GPHN: variants seen among roughly 807,000 people sequenced by gnomAD.
GPHN encodes the protein gephyrin.
In GPHN, 17 loss-of-function variants were observed where a neutral mutation model predicts 95.5. That is an observed-to-expected ratio of 0.18 (90% CI 0.12 to 0.27). GPHN has a LOEUF of 0.27. GPHN is among the 10% of genes least tolerant of loss of function. The probability of loss-of-function intolerance (pLI) is 1.00; values close to 1 mark genes in which losing one functional copy is unlikely to be tolerated. For synonymous variants in GPHN, 320 were observed against 322.5 expected (o/e 0.99, Z 0.08); for missense variants, 660 against 978.1 (o/e 0.67, Z 4.34).
chr14:67,113,559 T>A (rs2078497934), intron 16 of GPHN, among the ~76,000 whole-genome samples: 1 of 152,208 alleles, frequency 6.6e-6, no homozygotes, highest in Non-Finnish European at 1.5e-5. Context: ...GATGAGCTAC[T>A]TCTGTGTGGG....
chr14:66,863,867 A>G (rs1268978759), intron 4 of GPHN, among the ~76,000 whole-genome samples: 1 of 152,198 alleles, frequency 6.6e-6, no homozygotes, highest in Non-Finnish European at 1.5e-5. Context: ...TGAAACCATT[A>G]CATGAAAACA....
At chr14:67,496,391 G>GTTT in the GPHN span, among the ~76,000 whole-genome samples, 434 of 30,076 alleles carry the variant, frequency 0.014, 155 homozygotes, top group Middle Eastern at 0.12. Flanking sequence ...CTGCTCCGGC[G>GTTT]TTTTTTTTTT....
the GPHN span, among the ~76,000 whole-genome samples, chr14:67,534,641 C>T: frequency 6.6e-6 from 1 of 152,140 alleles, no homozygotes; most frequent in South Asian, 2.1e-4. Context: ...GCTGAGGGGG[C>T]CTGCTCAGAG....
At chr14:67,238,715 C>T in the GPHN span, among the ~76,000 whole-genome samples, 6 of 152,024 alleles carry the variant, frequency 3.9e-5, no homozygotes, top group Admixed American at 3.9e-4. Flanking sequence ...GTGATCTCAG[C>T]TTACTGCAGC....
intron 9 of GPHN, among the ~76,000 whole-genome samples, chr14:67,015,708 T>C (rs1001615653): frequency 4.0e-5 from 6 of 151,842 alleles, no homozygotes; most frequent in African/African-American, 1.5e-4. Flanking sequence ...GGAAAAAAAA[T>C]ACAAATAAAA....
chr14:66,862,688 A>C (rs575325491), intron 4 of GPHN, among the ~76,000 whole-genome samples: 1 of 151,872 alleles, frequency 6.6e-6, no homozygotes, highest in African/African-American at 2.4e-5. Flanking sequence ...TTCAACCTAC[A>C]TCATACATCC....
At chr14:66,682,148 A>G (rs916911553) in intron 2 of GPHN, among the ~76,000 whole-genome samples, 7 of 152,188 alleles carry the variant, frequency 4.6e-5, no homozygotes, top group African/African-American at 7.2e-5. Flanking sequence ...ATTGAAGTTT[A>G]TATATGATGT....
the GPHN span, among the ~76,000 whole-genome samples, chr14:67,346,616 A>G: frequency 6.6e-6 from 1 of 152,082 alleles, no homozygotes; most frequent in Non-Finnish European, 1.5e-5. Context: ...TGCCTGGCCA[A>G]GAATATTGTT....
At chr14:67,165,566 C>T (rs778737571) in intron 20 of GPHN, among the ~76,000 whole-genome samples, 1 of 152,136 alleles carries the variant, frequency 6.6e-6, no homozygotes, top group Non-Finnish European at 1.5e-5. Flanking sequence ...GGAAATTGGT[C>T]GAAGTTAGCA....
intron 4 of GPHN, among the ~76,000 whole-genome samples, chr14:66,871,110 G>A (rs536253239): frequency 1.3e-5 from 2 of 152,202 alleles, no homozygotes; most frequent in South Asian, 4.2e-4. Context: ...TCATGTGCTG[G>A]GTGACAGTGA....
At chr14:67,413,469 G>T in the GPHN span, among the ~76,000 whole-genome samples, 1 of 152,196 alleles carries the variant, frequency 6.6e-6, no homozygotes, top group Non-Finnish European at 1.5e-5. Flanking sequence ...AAGGCCCTCA[G>T]ATGCCTGTAA....
chr14:67,422,889 T>C, the GPHN span, among the ~76,000 whole-genome samples: 4 of 146,396 alleles, frequency 2.7e-5, no homozygotes, highest in Admixed American at 7.2e-5. Flanking sequence ...TGGAGTACAA[T>C]GGTGCAATCT....
Position 66,799,095 on chromosome 14 carries a change from GT to G in GPHN, c.201+22577del, listed in dbSNP as rs1352755420. Reference sequence around the variant, plus strand: ...CCCAGTGGTCATTCAGGAGCATATTGTTTAATTTCTATATATTTGTATAGTT... The same window carrying G: ...CCCAGTGGTCATTCAGGAGCATATTGTTAATTTCTATATATTTGTATAGTT... On this transcript the variant is annotated intron_variant, in intron 3 of 22. Transcript: ENST00000478722. Among the ~76,000 whole-genome samples the G allele has an allele frequency of 2.6e-5, 4 of 151,806 alleles. No homozygotes were observed. In the East Asian group the frequency reaches 5.8e-4, roughly 22 times the overall value.
At chr14:67,286,875 G>GA in the GPHN span, among the ~76,000 whole-genome samples, 3 of 133,842 alleles carry the variant, frequency 2.2e-5, no homozygotes, top group Non-Finnish European at 4.7e-5. Flanking sequence ...AAAAAAAAAA[G>GA]AAAAAAACTG....
chr14:67,642,793 CTTTTTTTTTT>C, the GPHN span, among the ~76,000 whole-genome samples: 10 of 75,518 alleles, frequency 1.3e-4, no homozygotes, highest in South Asian at 6.3e-4. Flanking sequence ...ACTACATTTT[CTTTTTTTTTT>C]TTTTTTTTTT....
chr14:66,700,890 C>A (rs2068494543), intron 2 of GPHN, among the ~76,000 whole-genome samples: 1 of 152,000 alleles, frequency 6.6e-6, no homozygotes, highest in East Asian at 1.9e-4. Context: ...CCACTGCACT[C>A]CAGCCTGGCA....
intron 5 of GPHN, among the ~76,000 whole-genome samples, chr14:66,913,704 T>A (rs1280381330): frequency 6.6e-6 from 1 of 152,220 alleles, no homozygotes; most frequent in Non-Finnish European, 1.5e-5. Flanking sequence ...GTGTTGTAGT[T>A]GTTTATATGC....
the GPHN span, among the ~76,000 whole-genome samples, chr14:67,220,178 G>C: frequency 5.3e-5 from 8 of 152,292 alleles, no homozygotes; most frequent in Non-Finnish European, 1.0e-4. Flanking sequence ...GCTCATGCCT[G>C]TAATCCCAAA....
intron 8 of GPHN, among the ~76,000 whole-genome samples, chr14:66,954,126 T>G (rs774534824): frequency 3.9e-5 from 6 of 152,184 alleles, no homozygotes; most frequent in Non-Finnish European, 7.3e-5. Flanking sequence ...TTAGGTTCCT[T>G]GAGATTCCAT....
Sources: gnomAD v4.1 joint callset for allele counts (sites outside exome capture counted in the v4.1 genomes callset) on GRCh38, gnomAD v4.1.1 for gene constraint, MANE v1.5 for transcripts, NCBI Gene and HGNC (gene_info 2026-07-23, HGNC 2026-07-21) for gene names.